RBFOX1: variants seen among roughly 807,000 people sequenced by gnomAD.
RBFOX1 encodes the protein RNA binding fox-1 homolog 1.
A neutral mutation model predicts 57.7 loss-of-function variants in RBFOX1; 8 were observed. That is an observed-to-expected ratio of 0.14 (90% CI 0.08 to 0.25). The LOEUF is 0.25. Among genes scored for constraint, RBFOX1 ranks in the 10% least tolerant of loss-of-function variants. The probability of loss-of-function intolerance (pLI) is 1.00; values close to 1 mark genes in which losing one functional copy is unlikely to be tolerated. For missense variants in RBFOX1, 611 were observed against 548.5 expected (o/e 1.11, Z -1.14); for synonymous variants, 326 against 222.4 (o/e 1.47, Z -4.15).
intron 3 of RBFOX1, among the ~76,000 whole-genome samples, chr16:5,819,396 T>A (rs2055764397): frequency 6.6e-6 from 1 of 152,142 alleles, no homozygotes; most frequent in Non-Finnish European, 1.5e-5. Flanking sequence ...ACCTGGGAGG[T>A]TAGCAATATC....
chr16:5,676,572 C>G (rs2050175030), intron 3 of RBFOX1, among the ~76,000 whole-genome samples: 1 of 152,046 alleles, frequency 6.6e-6, no homozygotes, highest in African/African-American at 2.4e-5. Context: ...GGAAAGTGCT[C>G]AGAACATGCT....
At chr16:5,504,758 C>T (rs1381688716) in intron 2 of RBFOX1, among the ~76,000 whole-genome samples, 1 of 152,204 alleles carries the variant, frequency 6.6e-6, no homozygotes, top group East Asian at 1.9e-4. Flanking sequence ...ACCAGCCCCA[C>T]CTTCAGAGGA....
rs1360395007 is a variant in RBFOX1, at chr16:6,133,666, G to T, written c.-127+113674G>T. On this transcript the variant is annotated intron_variant, in intron 1 of 15. Coordinates refer to ENST00000550418, the MANE Select transcript of RBFOX1 (RefSeq NM_018723.4). The stretch of plus-strand genomic sequence containing the variant: ...CATTGCTCTTTGAATAAAGGCCCAA[G>T]TCTTTAATGTGCCACATAGGACGCC... 2.6e-5 allele frequency among the ~76,000 whole-genome samples: 4 copies of T among 152,166 alleles called. No homozygotes were observed. In the East Asian group the frequency reaches 7.7e-4, roughly 29 times the overall value.
intron 2 of RBFOX1, chr16:6,484,002 A>G (rs2095420295): frequency 2.1e-6 from 2 of 958,650 alleles, no homozygotes; most frequent in South Asian, 8.5e-5. Context: ...TGGTCTGGAC[A>G]CTTGGAGAGG....
chr16:5,837,266 A>G (rs930576863), intron 3 of RBFOX1, among the ~76,000 whole-genome samples: 2 of 150,686 alleles, frequency 1.3e-5, no homozygotes, highest in African/African-American at 4.9e-5. Flanking sequence ...TTTTTTTTTA[A>G]CTACACACAA....
intron 5 of RBFOX1, among the ~76,000 whole-genome samples, chr16:7,556,111 C>T (rs1462272500): frequency 6.6e-6 from 1 of 152,188 alleles, no homozygotes; most frequent in Non-Finnish European, 1.5e-5. Context: ...TTGTGGTAAA[C>T]ACTCTAAATT....
At chr16:6,904,042 C>T (rs547215257) in intron 3 of RBFOX1, among the ~76,000 whole-genome samples, 1 of 152,270 alleles carries the variant, frequency 6.6e-6, no homozygotes, top group South Asian at 2.1e-4. Context: ...TGAGGTCATA[C>T]AGAGATAAGC....
chr16:5,823,964 C>G (rs2055946489), intron 3 of RBFOX1, among the ~76,000 whole-genome samples: 1 of 152,140 alleles, frequency 6.6e-6, no homozygotes, highest in Admixed American at 6.6e-5. Context: ...TCCATGAAAC[C>G]AGTCCCTGGT....
At chr16:5,586,121 C>T (rs545559984) in intron 2 of RBFOX1, among the ~76,000 whole-genome samples, 2 of 152,042 alleles carry the variant, frequency 1.3e-5, no homozygotes, top group Admixed American at 1.3e-4. Flanking sequence ...CTTCTACAAG[C>T]CAAGGCACCT....
chr16:7,051,471 G>A (rs946834997), intron 3 of RBFOX1, among the ~76,000 whole-genome samples: 3 of 152,190 alleles, frequency 2.0e-5, no homozygotes, highest in East Asian at 3.9e-4. Flanking sequence ...TCTGATGGCC[G>A]ATACCAGAAA....
At chr16:7,374,661 G>C (rs1454569703) in intron 4 of RBFOX1, among the ~76,000 whole-genome samples, 6 of 152,122 alleles carry the variant, frequency 3.9e-5, no homozygotes, top group African/African-American at 1.4e-4. Flanking sequence ...AATAAAAAAT[G>C]ACAGAAATCT....
At chr16:7,535,983 CAT>C (rs1444375178) in intron 5 of RBFOX1, among the ~76,000 whole-genome samples, 6 of 152,204 alleles carry the variant, frequency 3.9e-5, no homozygotes, top group Non-Finnish European at 7.3e-5. Flanking sequence ...ATAAGACAGA[CAT>C]AGCTTCTCCT....
rs188693198 is a variant in RBFOX1 at position 6,970,368 on chromosome 16, G to T, written c.-15-81689G>T. Reference sequence around the variant, plus strand: ...CACTTAGGTTTGTCTTTTCTCAGTTGCAAGACAGGTAGTGCAGTTCCCTTA... The same window carrying T: ...CACTTAGGTTTGTCTTTTCTCAGTTTCAAGACAGGTAGTGCAGTTCCCTTA... On this transcript the variant is annotated intron_variant, in intron 3 of 15. Coordinates refer to ENST00000550418, the MANE Select transcript of RBFOX1 (RefSeq NM_018723.4). 4.5e-4 allele frequency among the ~76,000 whole-genome samples: 69 copies of T among 152,228 alleles called. No homozygotes were observed. In the East Asian group the frequency reaches 0.011, roughly 25 times the overall value.
intron 2 of RBFOX1, among the ~76,000 whole-genome samples, chr16:6,451,841 C>A (rs1388114142): frequency 6.6e-6 from 1 of 151,700 alleles, no homozygotes; most frequent in Admixed American, 6.6e-5. Flanking sequence ...TGGCTCTTTC[C>A]TTCCATGGTT....
chr16:6,986,880 T>C (rs1473138858), intron 3 of RBFOX1, among the ~76,000 whole-genome samples: 1 of 152,164 alleles, frequency 6.6e-6, no homozygotes, highest in African/African-American at 2.4e-5. Flanking sequence ...AATCCTAGAA[T>C]CTCAAGTTGC....
chr16:6,769,308 C>A (rs749604257), intron 3 of RBFOX1, among the ~76,000 whole-genome samples: 1 of 152,196 alleles, frequency 6.6e-6, no homozygotes, highest in African/African-American at 2.4e-5. Context: ...TGTGTGGCCT[C>A]CATAGCCATG....
At chr16:7,451,015 C>T (rs2098847836) in intron 4 of RBFOX1, among the ~76,000 whole-genome samples, 1 of 152,138 alleles carries the variant, frequency 6.6e-6, no homozygotes, top group South Asian at 2.1e-4. Context: ...AAGACCTGGG[C>T]TTCGCTTCTG....
Position 6,996,634 on chromosome 16 carries a change from A to G in RBFOX1, c.-15-55423A>G, listed in dbSNP as rs74010437. Among the ~76,000 whole-genome samples the G allele has an allele frequency of 6.2e-3, 948 of 152,320 alleles. 14 individuals carry two copies. The highest frequency in any genetic ancestry group is 0.021 in the African/African-American group (881 of 41,588). On this transcript the variant is annotated intron_variant, in intron 3 of 15. Transcript: ENST00000550418. ...TTTCATTTAACCAATGGGGACAGTGACGCACAAAGAAGCTAATTAGTTTGT... is the reference window on the plus strand; with the variant it reads ...TTTCATTTAACCAATGGGGACAGTGGCGCACAAAGAAGCTAATTAGTTTGT...
chr16:7,207,015 A>G (rs915956816), intron 4 of RBFOX1, among the ~76,000 whole-genome samples: 1 of 152,150 alleles, frequency 6.6e-6, no homozygotes, highest in Non-Finnish European at 1.5e-5. Flanking sequence ...GCTCAGTGCA[A>G]TGCCATGCTT....
Sources: allele counts gnomAD v4.1 joint callset (sites outside exome capture counted in the v4.1 genomes callset), GRCh38; gene constraint gnomAD v4.1.1; transcripts MANE v1.5; gene names NCBI Gene and HGNC (gene_info 2026-07-23, HGNC 2026-07-21).